TAB2: variants seen among roughly 807,000 people sequenced by gnomAD.
TAB2 encodes TGF-beta-activated kinase 1 and MAP3K7-binding protein 2.
Under a neutral mutation model 65.0 loss-of-function variants are expected in TAB2, and 3 were observed. That is an observed-to-expected ratio of 0.05 (90% CI 0.02 to 0.12). TAB2 has a LOEUF of 0.12. TAB2 is among the 10% of genes least tolerant of loss of function. The probability of loss-of-function intolerance (pLI) is 1.00; values close to 1 mark genes in which losing one functional copy is unlikely to be tolerated. For missense variants in TAB2, 623 were observed against 840.3 expected, an observed-to-expected ratio of 0.74 and a Z score of 3.20; for synonymous variants, 298 against 285.1, an observed-to-expected ratio of 1.05 and a Z score of -0.46.
At chr6:149,327,111 T>C (rs1208433979) in intron 1 of TAB2, among the ~76,000 whole-genome samples, 2 of 152,200 alleles carry the variant, frequency 1.3e-5, no homozygotes, top group Non-Finnish European at 2.9e-5. Flanking sequence ...AAGCCTATTA[T>C]ACAGATATTT....
chr6:149,353,372 G>A (rs1233509309), intron 1 of TAB2, among the ~76,000 whole-genome samples: 2 of 152,180 alleles, frequency 1.3e-5, no homozygotes, highest in Non-Finnish European at 2.9e-5. Flanking sequence ...ACAGTGAAGA[G>A]AAAGTTTCTT....
intron 1 of TAB2, among the ~76,000 whole-genome samples, chr6:149,357,178 G>A (rs1057408035): frequency 2.6e-5 from 4 of 152,068 alleles, no homozygotes; most frequent in South Asian, 2.1e-4. Flanking sequence ...AGCACTTTGG[G>A]AGGCTGAGGC....
intron 1 of TAB2, among the ~76,000 whole-genome samples, chr6:149,290,973 C>T (rs12110899): frequency 6.6e-6 from 1 of 152,114 alleles, no homozygotes; most frequent in Non-Finnish European, 1.5e-5. Flanking sequence ...CAGGGTAAAC[C>T]CTATTTTCAT....
chr6:149,346,923 C>A (rs1265956141), intron 1 of TAB2, among the ~76,000 whole-genome samples: 1 of 152,116 alleles, frequency 6.6e-6, no homozygotes, highest in Non-Finnish European at 1.5e-5. Flanking sequence ...TCTCTTTTCT[C>A]CTCTTTCCCT....
chr6:149,396,511 G>A (rs1442667872), intron 3 of TAB2, among the ~76,000 whole-genome samples: 1 of 152,130 alleles, frequency 6.6e-6, no homozygotes, highest in Non-Finnish European at 1.5e-5. Flanking sequence ...GTTGTTTAAA[G>A]TTCTTTTCCA....
chr6:149,298,202 T>C (rs944763530), intron 1 of TAB2, among the ~76,000 whole-genome samples: 2 of 152,204 alleles, frequency 1.3e-5, no homozygotes, highest in Non-Finnish European at 2.9e-5. Flanking sequence ...GGCACTAGTC[T>C]AGGTATATGA....
intron 1 of TAB2, among the ~76,000 whole-genome samples, chr6:149,328,412 C>A (rs1019517216): frequency 7.9e-5 from 12 of 152,200 alleles, no homozygotes; most frequent in African/African-American, 2.7e-4. Context: ...CCTGCCTCAG[C>A]CTCCCAAGTA....
At chr6:149,400,728 G>A (rs1782356397) in intron 6 of TAB2, 1 of 1,577,818 alleles carries the variant, frequency 6.3e-7, no homozygotes, top group Non-Finnish European at 8.6e-7. Flanking sequence ...TAAAGACCAA[G>A]ATTACTGCAT....
chr6:149,339,597 ATTTATTTAT>A (rs1562422739), intron 1 of TAB2, among the ~76,000 whole-genome samples: 1,333 of 35,776 alleles, frequency 0.037, 30 homozygotes, highest in African/African-American at 0.056. Context: ...TTATTTATTT[ATTTATTTAT>A]TTTTTTTTTT....
intron 3 of TAB2, among the ~76,000 whole-genome samples, chr6:149,389,144 TG>T: frequency 6.6e-6 from 1 of 151,808 alleles, no homozygotes; most frequent in Non-Finnish European, 1.5e-5. Context: ...TTAGTAGAGA[TG>T]GGGTTTCATC....
intron 2 of TAB2, among the ~76,000 whole-genome samples, chr6:149,377,467 C>T (rs1583138817): frequency 6.6e-6 from 1 of 151,864 alleles, no homozygotes; most frequent in South Asian, 2.1e-4. Context: ...AGAGGGATTA[C>T]ACAAGTTAAG....
rs1320470001 is a variant in TAB2 at position 149,409,803 on chromosome 6, A to G, written c.*84A>G. On this transcript the variant is annotated 3_prime_UTR_variant, in exon 7 of 7. Transcript: ENST00000637181. ...CATCGGGAAAAAGTTTCACTGCTAC[A>G]TAGGATTTTGTCAAATTGAAGGTGT... 6 of 1,522,590 alleles carry G rather than the reference A, an allele frequency of 3.9e-6. No individual in the cohort carries two copies. In the African/African-American group the frequency reaches 4.1e-5, roughly 10 times the overall value. 94.3% of individuals were successfully genotyped at this position (1,522,590 alleles called of 1,614,324 possible). A position where few individuals can be genotyped will look rare whatever the true frequency, so the allele number is the denominator to read the frequency against.
intron 1 of TAB2, among the ~76,000 whole-genome samples, chr6:149,268,002 T>A (rs1008108337): frequency 2.0e-5 from 3 of 152,128 alleles, no homozygotes; most frequent in Non-Finnish European, 4.4e-5. Context: ...AAACAAAATA[T>A]GAAAATCAAA....
chr6:149,281,149 A>T (rs2114685428), intron 1 of TAB2, among the ~76,000 whole-genome samples: 1 of 152,192 alleles, frequency 6.6e-6, no homozygotes, highest in Non-Finnish European at 1.5e-5. Context: ...CTTAAAAGAA[A>T]ATTGACTGTT....
intron 1 of TAB2, among the ~76,000 whole-genome samples, chr6:149,254,014 GA>G (rs1162499999): frequency 7.4e-6 from 1 of 135,642 alleles, no homozygotes; most frequent in African/African-American, 2.7e-5. Flanking sequence ...AAGAAAGAAA[GA>G]AAGAAAGAAA....
At chr6:149,316,993 T>A (rs1779270547), upstream of TAB2, among the ~76,000 whole-genome samples, 1 of 150,660 alleles carries the variant, frequency 6.6e-6, no homozygotes, top group Admixed American at 6.6e-5. Flanking sequence ...GGCGCCAGCC[T>A]CCGCCGCGGG....
At chr6:149,398,522 A>G (rs1362375320) in intron 5 of TAB2, among the ~76,000 whole-genome samples, 2 of 152,176 alleles carry the variant, frequency 1.3e-5, no homozygotes, top group Non-Finnish European at 2.9e-5. Flanking sequence ...TGTGTTCTAG[A>G]ATCTGTTCAA....
At chr6:149,387,332 T>C (rs1186019876) in intron 3 of TAB2, among the ~76,000 whole-genome samples, 1 of 152,246 alleles carries the variant, frequency 6.6e-6, no homozygotes, top group Non-Finnish European at 1.5e-5. Flanking sequence ...TGCATGTGGC[T>C]ATCCAAGTAT....
At chr6:149,265,952 T>C (rs1765139672) in intron 1 of TAB2, among the ~76,000 whole-genome samples, 1 of 152,192 alleles carries the variant, frequency 6.6e-6, no homozygotes, top group Non-Finnish European at 1.5e-5. Context: ...TTAACTACAA[T>C]GTCTGCCCAT....
Sources: gnomAD v4.1 joint callset for allele counts (sites outside exome capture counted in the v4.1 genomes callset) on GRCh38, gnomAD v4.1.1 for gene constraint, MANE v1.5 for transcripts, NCBI Gene and HGNC (gene_info 2026-07-23, HGNC 2026-07-21) for gene names.